Variants in FERMT1 observed in about 807,000 individuals in gnomAD.
The protein encoded by FERMT1 is fermitin family homolog 1.
A neutral mutation model predicts 85.3 loss-of-function variants in FERMT1; 60 were observed. The observed-to-expected ratio is 0.70, with a 90% CI of 0.57 to 0.87. The LOEUF (loss-of-function observed/expected upper bound fraction) is 0.87. Among genes scored for constraint, FERMT1 ranks in the 40% least tolerant of loss-of-function variants. The probability of loss-of-function intolerance (pLI) is 0.00; values close to 1 mark genes in which losing one functional copy is unlikely to be tolerated. For missense variants in FERMT1, 701 were observed against 818.9 expected, an observed-to-expected ratio of 0.86 and a Z score of 1.76; for synonymous variants, 275 against 301.1, an observed-to-expected ratio of 0.91 and a Z score of 0.90.
intron 8 of FERMT1, 112 bp from the exon 9 acceptor site, chr20:6,095,100 GAATT>G (rs1331744703): frequency 4.3e-6 from 3 of 694,284 alleles, no homozygotes; most frequent in African/African-American, 3.6e-5. Context: ...ATTTAAATTT[GAATT>G]AATTCAAATT....
rs769449192 is a variant in FERMT1 at position 6,095,004 on chromosome 20, T to C, written c.1090-16A>G. 9 of 1,480,624 alleles carry C rather than the reference T, an allele frequency of 6.1e-6. No individual in the cohort carries two copies. Among genetic ancestry groups the C allele is most frequent in the Non-Finnish European group, 8.5e-6 (9 of 1,058,600 alleles). The allele number at this position is 1,480,624 out of a possible 1,614,324, so 91.7% of individuals were successfully genotyped here. Reference sequence around the variant, plus strand: ...TAATGTCCTCCTAAGAAAAAACAAATAAAGTTTCAAAAGCAGGAACTTCAT... The same window carrying C: ...TAATGTCCTCCTAAGAAAAAACAAACAAAGTTTCAAAAGCAGGAACTTCAT... On this transcript the variant is annotated splice_polypyrimidine_tract_variant and intron_variant, in intron 8 of 14. Coordinates refer to ENST00000217289, the MANE Select transcript of FERMT1 (RefSeq NM_017671.5).
At chr20:6,093,014 G>A (rs544554035) in intron 9 of FERMT1, among the ~76,000 whole-genome samples, 1 of 152,004 alleles carries the variant, frequency 6.6e-6, no homozygotes, top group South Asian at 2.1e-4. Context: ...CATTAGAGCT[G>A]ATACCCTGTT....
rs932625775 is a variant in FERMT1, at chr20:6,074,938, T to C, written c.*2235A>G. ...CTGTAGATAAGGAAGCAAATGATGT[T>C]GAAAGGTGCCCATTAATTTAAAATT... On this transcript the variant is annotated 3_prime_UTR_variant, in exon 15 of 15. Coordinates refer to ENST00000217289, the MANE Select transcript of FERMT1 (RefSeq NM_017671.5). 5 of 152,256 alleles carry C rather than the reference T, an allele frequency of 3.3e-5. No homozygotes were observed. Among genetic ancestry groups the C allele is most frequent in the African/African-American group, 9.7e-5 (4 of 41,414 alleles). The allele number at this position is 152,256 out of a possible 1,614,324, so 9.4% of individuals were successfully genotyped here. A position where few individuals can be genotyped will look rare whatever the true frequency, so the allele number is the denominator to read the frequency against.
intron 6 of FERMT1, among the ~76,000 whole-genome samples, chr20:6,101,626 C>T (rs1982660351): frequency 6.6e-6 from 1 of 152,130 alleles, no homozygotes; most frequent in East Asian, 1.9e-4. Context: ...CATTTTTACT[C>T]TAAATAATTT....
chr20:6,083,771 G>C (rs73074328), intron 13 of FERMT1, among the ~76,000 whole-genome samples: 4,032 of 149,750 alleles, frequency 0.027, 90 homozygotes, highest in Middle Eastern at 0.057. Context: ...TTTACCCTCT[G>C]GTTTTGGAAA....
chr20:6,093,087 A>G (rs1301654675), intron 9 of FERMT1, among the ~76,000 whole-genome samples: 2 of 152,140 alleles, frequency 1.3e-5, no homozygotes, highest in Non-Finnish European at 2.9e-5. Flanking sequence ...ATAAAAAAAG[A>G]GCTTCACTGT....
At chr20:6,117,623 G>A (rs529326774) in intron 2 of FERMT1, among the ~76,000 whole-genome samples, 21 of 152,304 alleles carry the variant, frequency 1.4e-4, no homozygotes, top group Admixed American at 4.6e-4. Flanking sequence ...TTGTAGAGAC[G>A]TGGTTTCACC....
At position 6,077,156 on chromosome 20, in the gene FERMT1, G is replaced by A. The variant is rs759779700; in HGVS notation, c.*17C>T. 19 of 1,612,672 alleles carry A rather than the reference G, an allele frequency of 1.2e-5. No homozygotes were observed. The highest frequency in any genetic ancestry group is 6.7e-5 in the Admixed American group (4 of 60,004). The stretch of plus-strand genomic sequence containing the variant: ...TTGGCTTGCCTTGTTGGTGTGAGCC[G>A]AGCACGCGTGCTTGTTTCAATCCTG... On this transcript the variant is annotated 3_prime_UTR_variant, in exon 15 of 15. Transcript: ENST00000217289.
At chr20:6,119,114 A>C (rs1437728112) in intron 2 of FERMT1, among the ~76,000 whole-genome samples, 2 of 152,034 alleles carry the variant, frequency 1.3e-5, no homozygotes, top group Non-Finnish European at 2.9e-5. Context: ...CGCCAGGCTA[A>C]TTTTTGTGTT....
In FERMT1 at chr20:6,075,049, GT is replaced by G. The variant is rs11405989; in HGVS notation, c.*2123del. 0.024 allele frequency: 3,058 copies of G among 129,168 alleles called. 47 individuals are homozygous for G. Among genetic ancestry groups the G allele is most frequent in the South Asian group, 0.057 (239 of 4,226 alleles). 8.0% of individuals were successfully genotyped at this position (129,168 alleles called of 1,614,324 possible). On this transcript the variant is annotated 3_prime_UTR_variant, in exon 15 of 15. Coordinates refer to ENST00000217289, the MANE Select transcript of FERMT1 (RefSeq NM_017671.5). ...CTTTGGAACAGTAGCATTTAGGTTTGTTTTTTTTTTTTTTTGTCACACTTGT... is the reference window on the plus strand; with the variant it reads ...CTTTGGAACAGTAGCATTTAGGTTTGTTTTTTTTTTTTTTGTCACACTTGT...
intron 9 of FERMT1, among the ~76,000 whole-genome samples, chr20:6,092,087 C>T (rs988308390): frequency 2.0e-5 from 3 of 152,060 alleles, no homozygotes; most frequent in Non-Finnish European, 4.4e-5. Flanking sequence ...ATTACAGGCG[C>T]GTGCCACTAC....
chr20:6,099,940 A>C (rs1982615787), intron 6 of FERMT1, among the ~76,000 whole-genome samples: 1 of 151,646 alleles, frequency 6.6e-6, no homozygotes, highest in Non-Finnish European at 1.5e-5. Flanking sequence ...TTGAGGCTAC[A>C]GGGAGCTATG....
At chr20:6,110,778 C>T (rs1197859039) in intron 4 of FERMT1, among the ~76,000 whole-genome samples, 1 of 151,960 alleles carries the variant, frequency 6.6e-6, no homozygotes, top group Non-Finnish European at 1.5e-5. Flanking sequence ...AACAAACAAA[C>T]AAACAAAACC....
At chr20:6,113,167 G>A (rs1443993929) in intron 3 of FERMT1, among the ~76,000 whole-genome samples, 1 of 152,026 alleles carries the variant, frequency 6.6e-6, no homozygotes, top group Non-Finnish European at 1.5e-5. Flanking sequence ...GGTTTTATAG[G>A]GTGTTTCCCC....
At chr20:6,080,130 G>A (rs1296047463) in intron 13 of FERMT1, among the ~76,000 whole-genome samples, 1 of 152,108 alleles carries the variant, frequency 6.6e-6, no homozygotes, top group Non-Finnish European at 1.5e-5. Context: ...AGTATTCCAG[G>A]CAGAGGGCAC....
Position 6,119,448 on chromosome 20 carries a change from T to A in FERMT1, c.107A>T (p.Asp36Val). The A allele has an allele frequency of 6.2e-7, 1 of 1,614,106 alleles. No homozygotes were observed. Among genetic ancestry groups the A allele is most frequent in the South Asian group, 1.1e-5 (1 of 91,086 alleles). Residue 36 changes from aspartate (D) to valine (V), a missense_variant, in exon 2 of 15, where the codon GAC (aspartate) becomes GTC (valine). Physicochemically the swap from Asp to Val is radical, Grantham distance 152. Transcript: ENST00000217289. ...GAGCATCACTCCTCCAACATGAAGG[T>A]CTCCAGATACTCTCAGTGTGACGTC... ...QKDVTLRVSG[D>V]LHVGGVMLKL...
intron 2 of FERMT1, among the ~76,000 whole-genome samples, chr20:6,117,956 T>C (rs527532739): frequency 2.0e-5 from 3 of 152,326 alleles, no homozygotes; most frequent in East Asian, 1.9e-4. Flanking sequence ...GCCACTGCTC[T>C]CAGCCAGAAA....
Position 6,097,525 on chromosome 20 carries a change from T to C in FERMT1, c.956A>G (p.Gln319Arg). 6.2e-7 allele frequency: 1 copy of C among 1,608,070 alleles called. No individual in the cohort carries two copies. Among genetic ancestry groups the C allele is most frequent in the Non-Finnish European group, 8.5e-7 (1 of 1,174,462 alleles). The change falls in exon 7 of 15, where the codon CAG becomes CGG. Residue 319 changes from glutamine to arginine, a missense_variant and splice_region_variant. Gln to Arg is a conservative substitution (Grantham distance 43). Coordinates refer to ENST00000217289, the MANE Select transcript of FERMT1 (RefSeq NM_017671.5). ...GAAAAGGTACTGAAGTTCCCATACC[T>C]GTAGAGCTGCAAAGATCAACATTTC... ...EEEMLIFAAL[Q>R]YHISKLSLSA... is the part of the protein sequence containing the mutation.
intron 6 of FERMT1, 57 bp from the exon 7 acceptor site, chr20:6,097,688 A>G (rs1208964071): frequency 8.4e-7 from 1 of 1,186,034 alleles, no homozygotes; most frequent in East Asian, 2.3e-5. Context: ...CCCACAATAC[A>G]AAGATTCTGA....
Sources: gnomAD v4.1 joint callset for allele counts (sites outside exome capture counted in the v4.1 genomes callset) on GRCh38, gnomAD v4.1.1 for gene constraint, MANE v1.5 for transcripts, NCBI Gene and HGNC (gene_info 2026-07-23, HGNC 2026-07-21) for gene names.